Variants in LRRC74B observed in about 807,000 individuals in gnomAD.
LRRC74B encodes leucine rich repeat containing 74B, also known as leucine-rich repeat-containing protein 74B.
LRRC74B carries 30 observed loss-of-function variants against 16.6 expected under a neutral mutation model. That is an observed-to-expected ratio of 1.80 (90% CI 1.35 to 2.45). The LOEUF is 2.45. Ranked by LOEUF, LRRC74B falls within the 30% of genes most tolerant of loss-of-function variation. The probability of loss-of-function intolerance (pLI) is 0.00; values close to 1 mark genes in which losing one functional copy is unlikely to be tolerated. For synonymous variants in LRRC74B, 134 were observed against 86.0 expected, an observed-to-expected ratio of 1.56 and a Z score of -3.09; for missense variants, 326 against 202.4, an observed-to-expected ratio of 1.61 and a Z score of -3.71.
At chr22:21,060,420 G>A (rs1237784391) in exon 9 of LRRC74B, 1 of 717,048 alleles carries the variant, frequency 1.4e-6, no homozygotes, top group Non-Finnish European at 2.6e-6. Context: ...GCTCAGTGAG[G>A]GGAATTCTTC....
chr22:21,059,109 C>T (rs1008162199), intron 8 of LRRC74B, among the ~76,000 whole-genome samples: 3 of 152,042 alleles, frequency 2.0e-5, no homozygotes, highest in African/African-American at 7.3e-5. Flanking sequence ...AAAATTTGGC[C>T]GGAGTTGGTA....
intron 4 of LRRC74B, among the ~76,000 whole-genome samples, chr22:21,051,424 C>G (rs1930038093): frequency 6.6e-6 from 1 of 152,168 alleles, no homozygotes; most frequent in Admixed American, 6.5e-5. Flanking sequence ...CTGCCTCAGC[C>G]TCCTGAGTCG....
At chr22:21,049,223 T>C (rs572296043) in intron 4 of LRRC74B, 66 bp downstream of exon 4, 1 of 637,252 alleles carries the variant, frequency 1.6e-6, no homozygotes, top group African/African-American at 1.8e-5. Flanking sequence ...TGGGTGGGGG[T>C]TGGCAGGACC....
At chr22:21,055,798 C>G (rs1930478137) in intron 7 of LRRC74B, among the ~76,000 whole-genome samples, 1 of 152,206 alleles carries the variant, frequency 6.6e-6, no homozygotes, top group African/African-American at 2.4e-5. Context: ...CTTCCTGCCT[C>G]ACAGGAACCT....
intron 8 of LRRC74B, among the ~76,000 whole-genome samples, chr22:21,058,781 A>G (rs1263930575): frequency 6.6e-6 from 1 of 152,212 alleles, no homozygotes; most frequent in African/African-American, 2.4e-5. Flanking sequence ...GTCATATGGC[A>G]TTATCCTGCC....
At chr22:21,046,541 T>A (rs972538558) in intron 1 of LRRC74B, among the ~76,000 whole-genome samples, 3 of 152,172 alleles carry the variant, frequency 2.0e-5, no homozygotes, top group Non-Finnish European at 2.9e-5. Flanking sequence ...CACCACTAGC[T>A]GTGGGATGCT....
downstream of LRRC74B, chr22:21,062,507 G>A (rs193053160): frequency 3.3e-5 from 5 of 152,178 alleles, no homozygotes; most frequent in East Asian, 3.9e-4. Flanking sequence ...GAGGTCAGGA[G>A]ATCGAGACCA....
intron 4 of LRRC74B, among the ~76,000 whole-genome samples, chr22:21,050,777 C>CA (rs71188205): frequency 0.041 from 4,274 of 103,532 alleles, 265 homozygotes; most frequent in East Asian, 0.33. Flanking sequence ...GACTCTGTCT[C>CA]AAAAAAAAAA....
exon 5 of LRRC74B, chr22:21,052,295 G>A (rs1370842208): frequency 1.4e-6 from 1 of 717,476 alleles, no homozygotes; most frequent in South Asian, 1.5e-5. Flanking sequence ...GACTCACCGA[G>A]CTTAACGTGA....
chr22:21,055,233 C>T, intron 7 of LRRC74B, 57 bp downstream of exon 7: 1 of 691,404 alleles, frequency 1.4e-6, no homozygotes, highest in Non-Finnish European at 2.7e-6. Flanking sequence ...TAACAGTCCA[C>T]ACAGATCCCT....
intron 8 of LRRC74B, among the ~76,000 whole-genome samples, chr22:21,057,972 G>A (rs1930635492): frequency 6.6e-6 from 1 of 150,480 alleles, no homozygotes. Context: ...TGCAACTTCC[G>A]GCTCCCAGAT....
chr22:21,047,966 C>T, exon 3 of LRRC74B: 1 of 716,980 alleles, frequency 1.4e-6, no homozygotes, highest in Non-Finnish European at 2.6e-6. Flanking sequence ...CTCTGTGGGG[C>T]AGGTGCAGAG....
intron 1 of LRRC74B, among the ~76,000 whole-genome samples, chr22:21,047,110 A>T (rs1287394645): frequency 6.6e-6 from 1 of 151,864 alleles, no homozygotes; most frequent in African/African-American, 2.4e-5. Context: ...AAAAAAAGAA[A>T]ATTTGTCTAG....
chr22:21,058,815 A>G (rs1181714580), intron 8 of LRRC74B, among the ~76,000 whole-genome samples: 1 of 152,234 alleles, frequency 6.6e-6, no homozygotes, highest in Non-Finnish European at 1.5e-5. Flanking sequence ...ACTTGTCACA[A>G]TGTATGGTCA....
exon 1 of LRRC74B, chr22:21,046,081 A>G (rs1207487918): frequency 1.4e-6 from 1 of 717,388 alleles, no homozygotes; most frequent in African/African-American, 1.7e-5. Flanking sequence ...CCCGAGGCCG[A>G]GCAGGGTCCC....
chr22:21,047,922 A>G lies in LRRC74B; in HGVS notation c.321A>G (p.Pro107=), dbSNP rs546003292. The G allele has an allele frequency of 5.7e-5, 41 of 717,388 alleles. No homozygotes were observed. The African/African-American group carries it at 5.9e-4, about 10-fold the overall frequency. 44.4% of individuals were successfully genotyped at this position (717,388 alleles called of 1,614,324 possible). The change falls in exon 3 of 9, where the codon CCA becomes CCG. Residue 107 remains proline, a synonymous_variant. Coordinates refer to ENST00000442047, the Ensembl canonical transcript of LRRC74B. ...TGGCTTCCTCATTGAGCTCCAATCC[A>G]TATGTCAAGCGGCTGGACCTTCGAG...
intron 3 of LRRC74B, 24 bp from the exon 4 acceptor site, chr22:21,048,927 C>T: frequency 1.4e-6 from 1 of 713,834 alleles, no homozygotes; most frequent in Non-Finnish European, 2.6e-6. Context: ...ATCCCACTGG[C>T]CGAGGAGTGG....
intron 1 of LRRC74B, among the ~76,000 whole-genome samples, chr22:21,046,463 G>GGTTAAA (rs1257395972): frequency 2.6e-5 from 4 of 151,094 alleles, no homozygotes; most frequent in African/African-American, 7.3e-5. Context: ...CTGCAATCCA[G>GGTTAAA]GTTAAAAGAC....
At chr22:21,047,753 T>C in intron 2 of LRRC74B, 131 bp from the exon 3 acceptor site, 2 of 639,010 alleles carry the variant, frequency 3.1e-6, no homozygotes, top group Middle Eastern at 4.1e-4. Flanking sequence ...TCACAGAGCC[T>C]AAAAGGAGAA....
Sources: allele counts gnomAD v4.1 joint callset (sites outside exome capture counted in the v4.1 genomes callset), GRCh38; gene constraint gnomAD v4.1.1; transcripts MANE v1.5; gene names NCBI Gene and HGNC (gene_info 2026-07-23, HGNC 2026-07-21).